Variants in IQCJ observed in about 807,000 individuals in gnomAD.
The protein encoded by IQCJ is IQ domain-containing protein J.
A neutral mutation model predicts 11.0 loss-of-function variants in IQCJ; 9 were observed. The ratio of observed to expected loss-of-function variants is 0.82; its 90% CI spans 0.49 to 1.43. The LOEUF is 1.43. Ranked by LOEUF, IQCJ falls within the 40% of genes most tolerant of loss-of-function variation. The pLI is 0.00. For missense variants in IQCJ, 146 were observed against 133.2 expected (o/e 1.10, Z -0.47); for synonymous variants, 55 against 51.3 (o/e 1.07, Z -0.31).
At chr3:159,081,142 T>G (rs1716279164) in intron 1 of IQCJ, among the ~76,000 whole-genome samples, 1 of 152,098 alleles carries the variant, frequency 6.6e-6, no homozygotes, top group Non-Finnish European at 1.5e-5. Context: ...CCATTCTCAG[T>G]GCTGTCTTGT....
At chr3:159,229,600 G>A (rs1044565380) in intron 1 of IQCJ, among the ~76,000 whole-genome samples, 1 of 150,364 alleles carries the variant, frequency 6.7e-6, no homozygotes, top group Non-Finnish European at 1.5e-5. Flanking sequence ...ATGACTAAAA[G>A]TTTTCTTGCT....
At chr3:159,136,303 A>C (rs1720286742) in intron 1 of IQCJ, among the ~76,000 whole-genome samples, 1 of 152,204 alleles carries the variant, frequency 6.6e-6, no homozygotes, top group Admixed American at 6.5e-5. Context: ...CAAATCACAC[A>C]ACCAGAAGCA....
intron 3 of IQCJ, among the ~76,000 whole-genome samples, chr3:159,261,029 A>G (rs774854437): frequency 7.9e-5 from 12 of 152,168 alleles, no homozygotes; most frequent in Non-Finnish European, 1.8e-4. Flanking sequence ...CCTTTAATAA[A>G]TTAGGGAAAA....
intron 1 of IQCJ, among the ~76,000 whole-genome samples, chr3:159,228,561 C>T (rs551042398): frequency 5.9e-5 from 9 of 152,082 alleles, no homozygotes; most frequent in South Asian, 2.1e-4. Flanking sequence ...GAGGCCGAGG[C>T]GGGCGGATCA....
chr3:159,239,864 G>A (rs1726812868), intron 1 of IQCJ, among the ~76,000 whole-genome samples: 1 of 152,178 alleles, frequency 6.6e-6, no homozygotes, highest in South Asian at 2.1e-4. Context: ...TAGGTTTGTA[G>A]CCCAGGAGCA....
rs1319871007 is a variant in IQCJ, at chr3:159,263,663, A to G, written c.*932A>G. 1.3e-5 allele frequency: 13 copies of G among 985,114 alleles called. No homozygotes were observed. In the African/African-American group the frequency reaches 2.1e-4, roughly 16 times the overall value. 61.0% of individuals were successfully genotyped at this position (985,114 alleles called of 1,614,324 possible). A position where few individuals can be genotyped will look rare whatever the true frequency, so the allele number is the denominator to read the frequency against. On this transcript the variant is annotated 3_prime_UTR_variant, in exon 4 of 4. Coordinates refer to ENST00000397832, the MANE Select transcript of IQCJ (RefSeq NM_001042706.3). ...TGGTAAAAAGGTTTCCCAACACTCAACGCAATGTATTCTTTTTGGGATCAG... is the reference window on the plus strand; with the variant it reads ...TGGTAAAAAGGTTTCCCAACACTCAGCGCAATGTATTCTTTTTGGGATCAG...
chr3:159,207,254 A>T (rs1019338790), intron 1 of IQCJ, among the ~76,000 whole-genome samples: 2 of 152,232 alleles, frequency 1.3e-5, no homozygotes, highest in African/African-American at 4.8e-5. Context: ...CATGCCATAA[A>T]GCCAAACAAT....
intron 1 of IQCJ, among the ~76,000 whole-genome samples, chr3:159,091,669 C>CAT (rs764954013): frequency 2.6e-4 from 7 of 27,388 alleles, no homozygotes; most frequent in Non-Finnish European, 5.3e-4. Context: ...CACACACACA[C>CAT]GCATGCACAC....
chr3:159,191,420 C>A (rs1002966873), intron 1 of IQCJ, among the ~76,000 whole-genome samples: 29 of 152,120 alleles, frequency 1.9e-4, no homozygotes, highest in African/African-American at 6.0e-4. Context: ...AATGGTATAT[C>A]TCATTAGACA....
intron 1 of IQCJ, among the ~76,000 whole-genome samples, chr3:159,157,345 A>G (rs550164046): frequency 6.6e-6 from 1 of 152,328 alleles, no homozygotes; most frequent in Non-Finnish European, 1.5e-5. Context: ...AAATGTATTT[A>G]TAAGTGGCTC....
At chr3:159,112,259 C>A (rs1207184711) in intron 1 of IQCJ, among the ~76,000 whole-genome samples, 1 of 152,130 alleles carries the variant, frequency 6.6e-6, no homozygotes, top group African/African-American at 2.4e-5. Flanking sequence ...CAAGAAACCC[C>A]AGAGATTTCT....
At chr3:159,148,304 C>G (rs1395069475) in intron 1 of IQCJ, among the ~76,000 whole-genome samples, 36 of 152,078 alleles carry the variant, frequency 2.4e-4, no homozygotes, top group Admixed American at 2.2e-3. Context: ...TTTTTGTTTT[C>G]TGCCCTATTT....
At chr3:159,229,913 T>A (rs1237813559) in intron 1 of IQCJ, among the ~76,000 whole-genome samples, 1 of 136,212 alleles carries the variant, frequency 7.3e-6, no homozygotes, top group Non-Finnish European at 1.6e-5. Flanking sequence ...TTTTGTTAAT[T>A]TTTTTTTAAA....
chr3:159,189,995 C>T (rs1723591159), intron 1 of IQCJ, among the ~76,000 whole-genome samples: 1 of 152,216 alleles, frequency 6.6e-6, no homozygotes, highest in South Asian at 2.1e-4. Context: ...AAAATATTCA[C>T]CCTTTGTCAA....
At chr3:159,229,351 C>G (rs1376912802) in intron 1 of IQCJ, among the ~76,000 whole-genome samples, 1 of 152,140 alleles carries the variant, frequency 6.6e-6, no homozygotes, top group Non-Finnish European at 1.5e-5. Context: ...ATATAACAGT[C>G]AGGCTTCTTT....
intron 3 of IQCJ, among the ~76,000 whole-genome samples, chr3:159,255,543 C>T (rs79895247): frequency 1.2e-3 from 178 of 152,210 alleles, no homozygotes; most frequent in Non-Finnish European, 2.1e-3. Context: ...TGTAAACCTG[C>T]GTGTGGCAAT....
Position 159,263,480 on chromosome 3 carries a change from T to G in IQCJ, c.*749T>G. The stretch of plus-strand genomic sequence containing the variant: ...AACACCAAAAGTGGGAAGAAATCAG[T>G]GATGAGGGATTTATGAACCAGGATT... On this transcript the variant is annotated 3_prime_UTR_variant, in exon 4 of 4. Coordinates refer to ENST00000397832, the MANE Select transcript of IQCJ (RefSeq NM_001042706.3). 3.0e-6 allele frequency: 3 copies of G among 984,142 alleles called. No homozygotes were observed. Among genetic ancestry groups the G allele is most frequent in the Non-Finnish European group, 3.6e-6 (3 of 828,810 alleles). 61.0% of individuals were successfully genotyped at this position (984,142 alleles called of 1,614,324 possible).
chr3:159,118,527 C>T (rs763356473), intron 1 of IQCJ, among the ~76,000 whole-genome samples: 1 of 152,180 alleles, frequency 6.6e-6, no homozygotes, highest in Non-Finnish European at 1.5e-5. Context: ...AGTTATCAGT[C>T]ACATTTCATA....
At chr3:159,200,038 A>ATATATATATATATATATAAATCTAAAT in intron 1 of IQCJ, among the ~76,000 whole-genome samples, 1 of 141,628 alleles carries the variant, frequency 7.1e-6, no homozygotes, top group African/African-American at 2.7e-5. Context: ...GACTATATAT[A>ATATATATATATATATATAAATCTAAAT]TATATATATA....
Sources: allele counts gnomAD v4.1 joint callset (sites outside exome capture counted in the v4.1 genomes callset), GRCh38; gene constraint gnomAD v4.1.1; transcripts MANE v1.5; gene names NCBI Gene and HGNC (gene_info 2026-07-23, HGNC 2026-07-21).